PPARD: variants seen among roughly 807,000 people sequenced by gnomAD.
PPARD encodes the protein peroxisome proliferator-activated receptor delta.
PPARD carries 6 observed loss-of-function variants against 39.5 expected under a neutral mutation model. The ratio of observed to expected loss-of-function variants is 0.15; its 90% CI spans 0.08 to 0.30. The LOEUF is 0.30. PPARD is among the 10% of genes least tolerant of loss of function. PPARD has a pLI of 1.00. For missense variants in PPARD, 397 were observed against 596.8 expected (o/e 0.67, Z 3.49); for synonymous variants, 210 against 231.3 (o/e 0.91, Z 0.83).
chr6:35,348,543 C>T (rs969380171), intron 2 of PPARD: 30 of 985,294 alleles, frequency 3.0e-5, no homozygotes, highest in Non-Finnish European at 3.3e-5. Context: ...GCCGGGGAAA[C>T]GTGGGCCTCC....
chr6:35,418,546 G>T (rs1765927843), intron 3 of PPARD, among the ~76,000 whole-genome samples: 1 of 152,228 alleles, frequency 6.6e-6, no homozygotes, highest in Non-Finnish European at 1.5e-5. Flanking sequence ...CTTTTGTCTA[G>T]TGGGTGGCTT....
At chr6:35,423,040 A>G (rs1766286336) in intron 5 of PPARD, among the ~76,000 whole-genome samples, 1 of 124,190 alleles carries the variant, frequency 8.1e-6, no homozygotes, top group African/African-American at 3.1e-5. Flanking sequence ...CAACATAGTG[A>G]GACCTCATCT....
At chr6:35,389,208 A>AT (rs1391155870) in intron 2 of PPARD, among the ~76,000 whole-genome samples, 1 of 152,176 alleles carries the variant, frequency 6.6e-6, no homozygotes, top group Non-Finnish European at 1.5e-5. Context: ...GTAGTTACTT[A>AT]TTGTGGAGAT....
chr6:35,361,772 CT>C (rs1288234980), intron 2 of PPARD, among the ~76,000 whole-genome samples: 2 of 152,262 alleles, frequency 1.3e-5, no homozygotes, highest in Middle Eastern at 3.4e-3. Context: ...GAGGGTCTGG[CT>C]TTTGGATATG....
chr6:35,375,517 G>A (rs929664694), intron 2 of PPARD, among the ~76,000 whole-genome samples: 13 of 151,226 alleles, frequency 8.6e-5, no homozygotes, highest in Non-Finnish European at 1.2e-4. Context: ...CTCCCGGCCC[G>A]GAATTTTCTT....
chr6:35,405,617 C>T (rs1214034700), intron 2 of PPARD, among the ~76,000 whole-genome samples: 1 of 151,322 alleles, frequency 6.6e-6, no homozygotes, highest in East Asian at 1.9e-4. Flanking sequence ...AAACTTAGTG[C>T]CTGGCTGTAT....
At chr6:35,419,396 T>C (rs185056218) in intron 3 of PPARD, among the ~76,000 whole-genome samples, 4 of 152,338 alleles carry the variant, frequency 2.6e-5, no homozygotes, top group Admixed American at 6.5e-5. Flanking sequence ...AGATATATCC[T>C]GAAGTCATAG....
chr6:35,420,636 G>GA (rs1258689158), intron 4 of PPARD, among the ~76,000 whole-genome samples: 1 of 152,030 alleles, frequency 6.6e-6, no homozygotes, highest in East Asian at 1.9e-4. Flanking sequence ...CGGGCTCTGA[G>GA]AAAAAAGGAC....
At chr6:35,348,531 G>T in intron 2 of PPARD, 2 of 985,400 alleles carry the variant, frequency 2.0e-6, no homozygotes, top group Non-Finnish European at 2.4e-6. Context: ...TCCCTGCTGG[G>T]GGCCGGGGAA....
intron 2 of PPARD, among the ~76,000 whole-genome samples, chr6:35,382,154 T>C (rs954730677): frequency 2.6e-5 from 4 of 152,220 alleles, no homozygotes; most frequent in African/African-American, 9.6e-5. Flanking sequence ...ACAGAAACAG[T>C]TGGCCTAGTG....
intron 2 of PPARD, among the ~76,000 whole-genome samples, chr6:35,372,648 G>A (rs932184112): frequency 6.6e-6 from 1 of 152,172 alleles, no homozygotes; most frequent in Non-Finnish European, 1.5e-5. Flanking sequence ...CCTGGAGCTG[G>A]GCATGGTGAG....
chr6:35,357,020 GC>G lies in PPARD; in HGVS notation c.-102+9871del, dbSNP rs534497489. Among the ~76,000 whole-genome samples the G allele has an allele frequency of 4.5e-3, 682 of 152,308 alleles. 5 individuals are homozygous for G. Among genetic ancestry groups the G allele is most frequent in the Middle Eastern group, 0.027 (8 of 294 alleles). ...CAGAGGAGAGTGTCCACAATGTACA[GC>G]TCTTCCCTGGAGCAGTTATGTTTCT... On this transcript the variant is annotated intron_variant, in intron 2 of 7. Transcript: ENST00000360694.
intron 1 of PPARD, among the ~76,000 whole-genome samples, chr6:35,343,996 C>T (rs1218402322): frequency 2.0e-5 from 3 of 151,480 alleles, no homozygotes; most frequent in Non-Finnish European, 2.9e-5. Flanking sequence ...TTTTTTTTCC[C>T]GTTTGAGTTT....
chr6:35,413,793 C>T (rs1313245795), intron 3 of PPARD, among the ~76,000 whole-genome samples: 1 of 151,970 alleles, frequency 6.6e-6, no homozygotes, highest in Non-Finnish European at 1.5e-5. Flanking sequence ...AAGCGATTCT[C>T]CTGCCTCAGC....
Position 35,412,045 on chromosome 6 carries a change from C to T in PPARD, c.130+828C>T, listed in dbSNP as rs1765465554. Among the ~76,000 whole-genome samples, 1 of 152,180 alleles carries T rather than the reference C, an allele frequency of 6.6e-6. No individual in the cohort carries two copies. Among genetic ancestry groups the T allele is most frequent in the African/African-American group, 2.4e-5 (1 of 41,432 alleles). On this transcript the variant is annotated intron_variant, in intron 3 of 7. Transcript: ENST00000360694. The surrounding 1 kb of genome is among the most constrained non-coding windows in gnomAD (Gnocchi z 4.1). ...CTGGGTTCAAGTGATTCTCCTGCCT[C>T]AGCCTCCCGAGTAGCTGGGATTATA...
At position 35,423,927 on chromosome 6, in the gene PPARD, T is replaced by C; in HGVS notation, c.425-19T>C. ...GGGCCTGCCTGGGCTCCTTGCTGAC[T>C]GCCCCCTTCCCTGTGCAGCTATCCG... On this transcript the variant is annotated intron_variant, in intron 5 of 7. Coordinates refer to ENST00000360694, the MANE Select transcript of PPARD (RefSeq NM_006238.5). 3.1e-6 allele frequency: 5 copies of C among 1,613,076 alleles called. No homozygotes were observed. In the South Asian group the frequency reaches 5.5e-5, roughly 18 times the overall value.
chr6:35,356,489 T>C (rs770685488), intron 2 of PPARD, among the ~76,000 whole-genome samples: 8 of 152,208 alleles, frequency 5.3e-5, no homozygotes, highest in Non-Finnish European at 1.2e-4. Context: ...TTCCCTTAAT[T>C]GCCTAAAACA....
intron 3 of PPARD, 110 bp from the exon 4 acceptor site, chr6:35,420,017 G>A: frequency 7.5e-7 from 1 of 1,328,572 alleles, no homozygotes; most frequent in Non-Finnish European, 1.0e-6. Context: ...TTGACTCCCT[G>A]AGGCCACACA....
intron 4 of PPARD, 67 bp from the exon 5 acceptor site, chr6:35,421,753 G>A (rs557695004): frequency 1.9e-5 from 28 of 1,502,018 alleles, no homozygotes; most frequent in African/African-American, 1.1e-4. Context: ...ATACATAATC[G>A]GGCCCTTTGG....
Sources: allele counts gnomAD v4.1 joint callset (sites outside exome capture counted in the v4.1 genomes callset), GRCh38; gene constraint gnomAD v4.1.1; non-coding constraint Gnocchi (gnomAD v3.1); transcripts MANE v1.5; gene names NCBI Gene and HGNC (gene_info 2026-07-23, HGNC 2026-07-21).